OXSR1: variants seen among roughly 807,000 people sequenced by gnomAD.
OXSR1 encodes oxidative stress responsive kinase 1.
In OXSR1, 24 loss-of-function variants were observed where a neutral mutation model predicts 79.8. That is an observed-to-expected ratio of 0.30 (90% confidence interval 0.22 to 0.42). The LOEUF (loss-of-function observed/expected upper bound fraction) is 0.42. Among genes scored for constraint, OXSR1 ranks in the 10% least tolerant of loss-of-function variants. The pLI is 1.00. For synonymous variants in OXSR1, 226 were observed against 209.2 expected, an observed-to-expected ratio of 1.08 and a Z score of -0.69; for missense variants, 430 against 618.4, an observed-to-expected ratio of 0.70 and a Z score of 3.23.
At chr3:38,165,112 A>C (rs1284642867), upstream of OXSR1, 1 of 152,276 alleles carries the variant, frequency 6.6e-6, no homozygotes, top group Non-Finnish European at 1.5e-5. Context: ...CCTAACACGG[A>C]GAAGCGCGCT....
At position 38,249,935 on chromosome 3, in the gene OXSR1, C is replaced by T. The variant is rs189680673; in HGVS notation, c.1323-31C>T. Reference sequence around the variant, plus strand: ...ATCTCTTTGCATAAATTTAGAAATTCTTATTTTATGCATTCTGCTTTCTTT... The same window carrying T: ...ATCTCTTTGCATAAATTTAGAAATTTTTATTTTATGCATTCTGCTTTCTTT... On this transcript the variant is annotated intron_variant, in intron 14 of 17. Coordinates refer to ENST00000311806, the MANE Select transcript of OXSR1 (RefSeq NM_005109.3). 1.8e-4 allele frequency: 236 copies of T among 1,315,280 alleles called. 1 individual carries two copies. The Middle Eastern group carries it at 3.0e-3, about 17-fold the overall frequency. 81.5% of individuals were successfully genotyped at this position (1,315,280 alleles called of 1,614,324 possible).
At chr3:38,231,927 T>G (rs1702816651) in intron 10 of OXSR1, among the ~76,000 whole-genome samples, 1 of 151,848 alleles carries the variant, frequency 6.6e-6, no homozygotes, top group African/African-American at 2.4e-5. Flanking sequence ...GCCAACATGG[T>G]GAAACCTCGT....
Position 38,252,975 on chromosome 3 carries a change from C to T in OXSR1, c.*84C>T. 3 of 1,088,686 alleles carry T rather than the reference C, an allele frequency of 2.8e-6. No individual in the cohort carries two copies. The highest frequency in any genetic ancestry group is 4.2e-6 in the Non-Finnish European group (3 of 712,348). 67.4% of individuals were successfully genotyped at this position (1,088,686 alleles called of 1,614,324 possible). ...TCTATTGGCCTAAACCCACTACTGC[C>T]AAAGAACCCAGCAACAAACCTCCCG... On this transcript the variant is annotated 3_prime_UTR_variant, in exon 18 of 18. Transcript: ENST00000311806.
chr3:38,171,990 T>C (rs1007048940), intron 1 of OXSR1, among the ~76,000 whole-genome samples: 14 of 152,200 alleles, frequency 9.2e-5, no homozygotes, highest in African/African-American at 3.4e-4. Flanking sequence ...GTCTGTATAG[T>C]GGGGAGAATA....
Position 38,255,421 on chromosome 3 carries a change from T to A in OXSR1, c.*2530T>A, listed in dbSNP as rs1194892476. On this transcript the variant is annotated 3_prime_UTR_variant, in exon 18 of 18. Transcript: ENST00000311806. ...GTAAAATATTCAACTTTTTCCTCCT[T>A]TTTTTGGACTTTGTATTTTACTGCA... 3 of 152,628 alleles carry A rather than the reference T, an allele frequency of 2.0e-5. No homozygotes were observed. Among genetic ancestry groups the A allele is most frequent in the African/African-American group, 7.2e-5 (3 of 41,448 alleles). 9.5% of individuals were successfully genotyped at this position (152,628 alleles called of 1,614,324 possible).
intron 4 of OXSR1, among the ~76,000 whole-genome samples, chr3:38,205,336 G>A (rs1702246550): frequency 1.3e-5 from 2 of 152,342 alleles, no homozygotes; most frequent in South Asian, 4.1e-4. Flanking sequence ...AAGATGATCA[G>A]TGGAGGGTTC....
intron 1 of OXSR1, among the ~76,000 whole-genome samples, chr3:38,167,093 G>T (rs1464073241): frequency 6.6e-6 from 1 of 152,188 alleles, no homozygotes; most frequent in Non-Finnish European, 1.5e-5. Flanking sequence ...GAAGGGAGGA[G>T]CCAGATCTTA....
intron 1 of OXSR1, 21 bp downstream of exon 1, chr3:38,165,967 G>A (rs1235122622): frequency 6.3e-7 from 1 of 1,599,400 alleles, no homozygotes; most frequent in African/African-American, 1.3e-5. Context: ...GCGCTGCGGA[G>A]GGGGGAGGCG....
At chr3:38,197,782 A>G (rs984030764) in intron 3 of OXSR1, among the ~76,000 whole-genome samples, 5 of 152,210 alleles carry the variant, frequency 3.3e-5, no homozygotes, top group African/African-American at 4.8e-5. Context: ...GTGTGAAGTA[A>G]AAGTACCCAG....
intron 5 of OXSR1, among the ~76,000 whole-genome samples, chr3:38,220,788 C>T (rs1288663674): frequency 2.0e-5 from 3 of 152,140 alleles, no homozygotes; most frequent in African/African-American, 7.2e-5. Flanking sequence ...GGTGTCTAAC[C>T]CTGGCTCAAA....
intron 4 of OXSR1, among the ~76,000 whole-genome samples, chr3:38,202,966 C>G (rs115415433): frequency 2.8e-4 from 43 of 152,272 alleles, no homozygotes; most frequent in African/African-American, 1.0e-3. Flanking sequence ...CCACCAGCTT[C>G]TTGTAGAAGG....
Position 38,252,900 on chromosome 3 carries a change from C to G in OXSR1, c.*9C>G. On this transcript the variant is annotated 3_prime_UTR_variant, in exon 18 of 18. Coordinates refer to ENST00000311806, the MANE Select transcript of OXSR1 (RefSeq NM_005109.3). The stretch of plus-strand genomic sequence containing the variant: ...AGCTCAGCATCAGCTAAACCACAAC[C>G]CTGGAAGAGGCGGCCTAAGGAGATT... 6.2e-7 allele frequency: 1 copy of G among 1,611,400 alleles called. No homozygotes were observed. Among genetic ancestry groups the G allele is most frequent in the African/African-American group, 1.3e-5 (1 of 74,954 alleles).
chr3:38,236,700 G>A (rs1702925045), intron 10 of OXSR1, 139 bp from the exon 11 acceptor site: 1 of 724,890 alleles, frequency 1.4e-6, no homozygotes. Context: ...TGGAGGATAT[G>A]AATTTGTATG....
At chr3:38,173,105 T>A (rs907457297) in intron 1 of OXSR1, among the ~76,000 whole-genome samples, 20 of 152,226 alleles carry the variant, frequency 1.3e-4, no homozygotes, top group African/African-American at 4.8e-4. Context: ...CTTCCACTTC[T>A]ATTTTACTGG....
chr3:38,190,764 C>T lies in OXSR1; in HGVS notation c.217C>T (p.Pro73Ser). 6.2e-7 allele frequency: 1 copy of T among 1,604,964 alleles called. No individual in the cohort carries two copies. Among genetic ancestry groups the T allele is most frequent in the Non-Finnish European group, 8.5e-7 (1 of 1,171,888 alleles). ...EIQAMSQCHH[P>S]NIVSYYTSFV... ...TCAAGCCATGAGTCAATGCCATCATCCTAATATTGTATCTTACTACACATC... is the reference window on the plus strand; with the variant it reads ...TCAAGCCATGAGTCAATGCCATCATTCTAATATTGTATCTTACTACACATC... Residue 73 changes from proline (P) to serine (S), a missense_variant, in exon 3 of 18, where the codon CCT becomes TCT. Physicochemically the swap from Pro to Ser is moderately conservative, Grantham distance 74. Around this residue, in one of 3 missense-constraint regions of OXSR1, gnomAD observed 145 missense variants for 228.3 expected, o/e 0.64. Coordinates refer to ENST00000311806, the MANE Select transcript of OXSR1 (RefSeq NM_005109.3).
At chr3:38,164,608 G>C (rs1380221682), upstream of OXSR1, among the ~76,000 whole-genome samples, 2 of 152,198 alleles carry the variant, frequency 1.3e-5, no homozygotes, top group African/African-American at 4.8e-5. Context: ...GCCGTACGTA[G>C]TCAAACTGAG....
chr3:38,207,114 G>A (rs986612903), intron 4 of OXSR1, among the ~76,000 whole-genome samples: 2 of 152,154 alleles, frequency 1.3e-5, no homozygotes, highest in African/African-American at 2.4e-5. Flanking sequence ...GACTTTGTGG[G>A]TGAGATGTTC....
At chr3:38,250,114 T>G (rs1266231565) in intron 15 of OXSR1, 96 bp downstream of exon 15, 2 of 866,756 alleles carry the variant, frequency 2.3e-6, no homozygotes, top group South Asian at 3.0e-5. Flanking sequence ...GTTTTGCTTT[T>G]AAAGGATAAT....
intron 4 of OXSR1, 145 bp from the exon 5 acceptor site, chr3:38,215,951 T>G (rs1164305416): frequency 4.9e-6 from 3 of 615,328 alleles, no homozygotes; most frequent in Non-Finnish European, 8.6e-6. Flanking sequence ...ACAACAATTT[T>G]ACTATTAGTC....
Sources: allele counts gnomAD v4.1 joint callset (sites outside exome capture counted in the v4.1 genomes callset), GRCh38; gene constraint gnomAD v4.1.1; regional missense constraint gnomAD v4.1.1; transcripts MANE v1.5; gene names NCBI Gene and HGNC (gene_info 2026-07-23, HGNC 2026-07-21).